The following INPP5A variants were observed in gnomAD, a reference collection of about 807,000 sequenced individuals.
The protein encoded by INPP5A is inositol polyphosphate-5-phosphatase A.
A neutral mutation model predicts 65.2 loss-of-function variants in INPP5A; 14 were observed. The ratio of observed to expected loss-of-function variants is 0.21; its 90% CI spans 0.14 to 0.34. The LOEUF is 0.34. Ranked by LOEUF, INPP5A falls within the 10% of genes least tolerant of loss-of-function variation. The pLI, the probability that INPP5A is intolerant of heterozygous loss-of-function variation, is 1.00. For missense variants in INPP5A, 431 were observed against 545.6 expected (o/e 0.79, Z 2.09); for synonymous variants, 207 against 208.3 (o/e 0.99, Z 0.05).
At chr10:132,693,348 T>G (rs1845298392) in intron 5 of INPP5A, among the ~76,000 whole-genome samples, 1 of 152,146 alleles carries the variant, frequency 6.6e-6, no homozygotes, top group Admixed American at 6.5e-5. Context: ...ATGTGAATGG[T>G]CTAAATATAC....
chr10:132,654,841 G>T (rs780159846), intron 4 of INPP5A, among the ~76,000 whole-genome samples: 5 of 150,928 alleles, frequency 3.3e-5, no homozygotes, highest in East Asian at 1.9e-4. Flanking sequence ...GTGAGCCTGT[G>T]GGGGGGACGC....
chr10:132,718,367 T>C (rs1845784922), intron 8 of INPP5A, among the ~76,000 whole-genome samples: 1 of 151,544 alleles, frequency 6.6e-6, no homozygotes, highest in South Asian at 2.1e-4. Context: ...TTCAGGGTTC[T>C]GTGGTGCCTG....
chr10:132,699,917 G>A (rs1207904989), intron 6 of INPP5A, among the ~76,000 whole-genome samples: 1 of 152,206 alleles, frequency 6.6e-6, no homozygotes, highest in Non-Finnish European at 1.5e-5. Context: ...GGGGGCCTCT[G>A]CTATGACTTT....
intron 4 of INPP5A, among the ~76,000 whole-genome samples, chr10:132,688,016 G>A (rs1401266315): frequency 2.0e-5 from 3 of 152,164 alleles, no homozygotes; most frequent in Non-Finnish European, 4.4e-5. Context: ...TGTGGCCAGC[G>A]TCCCCGGGAG....
chr10:132,680,380 T>C (rs769552820), intron 4 of INPP5A, among the ~76,000 whole-genome samples: 29 of 152,248 alleles, frequency 1.9e-4, no homozygotes, highest in Non-Finnish European at 2.6e-4. Flanking sequence ...TTTAGGGAGA[T>C]GCAGATCCAA....
rs2072567110 is a variant in INPP5A, at chr10:132,650,831, G to T, written c.306+326G>T. Among the ~76,000 whole-genome samples, 2 of 152,192 alleles carry T rather than the reference G, an allele frequency of 1.3e-5. No individual in the cohort carries two copies. The highest frequency in any genetic ancestry group is 4.8e-5 in the African/African-American group (2 of 41,442). ...AGAGGGAGTCCGGGGCTCCAGGCGT[G>T]TAGATGAGAGGTTGGACAGCAGCCG... is the stretch of plus-strand genomic sequence containing the variant. On this transcript the variant is annotated intron_variant, in intron 4 of 15. Transcript: ENST00000368594. This position sits in a 1 kb window ranked among gnomAD's most constrained non-coding sequence, Gnocchi z 5.5.
intron 11 of INPP5A, among the ~76,000 whole-genome samples, chr10:132,757,431 T>C (rs574981933): frequency 6.6e-6 from 1 of 152,336 alleles, no homozygotes; most frequent in East Asian, 1.9e-4. Context: ...GTACTTACAG[T>C]GTGTTACGCC....
At chr10:132,766,896 TCA>T (rs1590999086) in intron 12 of INPP5A, among the ~76,000 whole-genome samples, 2 of 140,568 alleles carry the variant, frequency 1.4e-5, no homozygotes, top group African/African-American at 2.6e-5. Flanking sequence ...GGATGCGGCC[TCA>T]GGGAGCTTGG....
At chr10:132,576,602 T>A (rs1398867679) in intron 1 of INPP5A, among the ~76,000 whole-genome samples, 2 of 152,196 alleles carry the variant, frequency 1.3e-5, no homozygotes, top group African/African-American at 4.8e-5. Context: ...ATTCATTACC[T>A]TTTTTCCCAA....
At chr10:132,594,566 C>T (rs1245944997) in intron 1 of INPP5A, among the ~76,000 whole-genome samples, 1 of 149,632 alleles carries the variant, frequency 6.7e-6, no homozygotes, top group Non-Finnish European at 1.5e-5. Flanking sequence ...TAGGTGTGCC[C>T]ACATGCACAT....
intron 1 of INPP5A, among the ~76,000 whole-genome samples, chr10:132,606,584 T>A (rs956168101): frequency 1.3e-5 from 2 of 152,260 alleles, no homozygotes; most frequent in Non-Finnish European, 2.9e-5. Flanking sequence ...TTATTTTTCA[T>A]TAATTTATCT....
chr10:132,557,923 A>G lies in INPP5A; in HGVS notation c.75+19752A>G, dbSNP rs901254474. Among the ~76,000 whole-genome samples, 5 of 152,160 alleles carry G rather than the reference A, an allele frequency of 3.3e-5. No individual in the cohort carries two copies. In the East Asian group the frequency reaches 9.6e-4, roughly 29 times the overall value. On this transcript the variant is annotated intron_variant, in intron 1 of 15. Transcript: ENST00000368594. The stretch of plus-strand genomic sequence containing the variant: ...GCCAGGTGAGGCCCTGTGCTCCCTC[A>G]GTCTGTCCCGCGTGCCCGCCTCCTG...
chr10:132,630,432 A>G (rs146234772), intron 2 of INPP5A, among the ~76,000 whole-genome samples: 4 of 152,156 alleles, frequency 2.6e-5, no homozygotes, highest in African/African-American at 9.6e-5. Flanking sequence ...AAAGGTGCCC[A>G]TGAGGGGAGG....
At position 132,628,465 on chromosome 10, in the gene INPP5A, G is replaced by GGGA. The variant is rs1554937161; in HGVS notation, c.118-17401_118-17400insAGG. Among the ~76,000 whole-genome samples, 17 of 56,200 alleles carry GGGA rather than the reference G, an allele frequency of 3.0e-4. 1 individual carries two copies. Among genetic ancestry groups the GGGA allele is most frequent in the Admixed American group, 3.0e-3 (16 of 5,308 alleles). The allele number at this position is 56,200 out of a possible 152,430, so 36.9% of individuals were successfully genotyped here. On this transcript the variant is annotated intron_variant, in intron 2 of 15. Coordinates refer to ENST00000368594, the MANE Select transcript of INPP5A (RefSeq NM_005539.5). ...TCCCTCCAGATGTGCTCTGGTGGCG[G>GGGA]GGGGGGGGGGGGGCGTGGCGTGGGG...
intron 6 of INPP5A, among the ~76,000 whole-genome samples, chr10:132,703,560 C>T (rs558179974): frequency 1.3e-5 from 2 of 149,934 alleles, no homozygotes; most frequent in African/African-American, 5.0e-5. Context: ...GCTTCACCCA[C>T]ACACACACGT....
At chr10:132,541,564 T>C (rs76657135) in intron 1 of INPP5A, among the ~76,000 whole-genome samples, 2,283 of 152,326 alleles carry the variant, frequency 0.015, 31 homozygotes, top group South Asian at 0.037. Context: ...TTCTTGTTTA[T>C]GTTGGTTATA....
intron 2 of INPP5A, among the ~76,000 whole-genome samples, chr10:132,615,453 TG>T (rs1398902282): frequency 2.6e-5 from 4 of 152,202 alleles, no homozygotes; most frequent in South Asian, 4.1e-4. Flanking sequence ...CCCAGGCATC[TG>T]GGGTGAAGGC....
At chr10:132,673,682 G>GCATT (rs944760743) in intron 4 of INPP5A, among the ~76,000 whole-genome samples, 1 of 152,222 alleles carries the variant, frequency 6.6e-6, no homozygotes, top group African/African-American at 2.4e-5. Context: ...GGTGGACAAG[G>GCATT]CATTCTGTGA....
intron 1 of INPP5A, among the ~76,000 whole-genome samples, chr10:132,578,144 A>G (rs1447344125): frequency 2.0e-5 from 3 of 152,230 alleles, no homozygotes; most frequent in African/African-American, 7.2e-5. Flanking sequence ...GGAGATTATT[A>G]TGCTCTCTAC....
Sources: gnomAD v4.1 joint callset for allele counts (sites outside exome capture counted in the v4.1 genomes callset) on GRCh38, gnomAD v4.1.1 for gene constraint, Gnocchi (gnomAD v3.1) non-coding constraint, MANE v1.5 for transcripts, NCBI Gene and HGNC (gene_info 2026-07-23, HGNC 2026-07-21) for gene names.